CLIP4: variants seen among roughly 807,000 people sequenced by gnomAD.
CLIP4 encodes CAP-Gly domain-containing linker protein 4.
In CLIP4, 47 loss-of-function variants were observed where a neutral mutation model predicts 73.1. That is an observed-to-expected ratio of 0.64 (90% confidence interval 0.51 to 0.82). CLIP4 has a LOEUF of 0.82. Ranked by LOEUF, CLIP4 falls within the 40% of genes least tolerant of loss-of-function variation. The pLI, the probability that CLIP4 is intolerant of heterozygous loss-of-function variation, is 0.00. For missense variants in CLIP4, 874 were observed against 852.9 expected (o/e 1.02, Z -0.31); for synonymous variants, 306 against 295.4 (o/e 1.04, Z -0.37).
At chr2:29,140,414 AT>A (rs922309331) in intron 6 of CLIP4, among the ~76,000 whole-genome samples, 16 of 151,978 alleles carry the variant, frequency 1.1e-4, no homozygotes, top group African/African-American at 3.9e-4. Flanking sequence ...TGAACTCATC[AT>A]TTTTTATGGC....
chr2:29,137,242 C>CA (rs1665432389), intron 6 of CLIP4, among the ~76,000 whole-genome samples: 1 of 152,074 alleles, frequency 6.6e-6, no homozygotes, highest in African/African-American at 2.4e-5. Context: ...TGTGTGTACC[C>CA]AGTGTTCAGC....
At chr2:29,138,781 T>C (rs577991135) in intron 6 of CLIP4, among the ~76,000 whole-genome samples, 2 of 152,246 alleles carry the variant, frequency 1.3e-5, no homozygotes, top group South Asian at 4.1e-4. Context: ...AATTGTGTTC[T>C]TGATTTTGTT....
At chr2:29,132,369 G>A in intron 4 of CLIP4, 124 bp downstream of exon 4, 7 of 761,276 alleles carry the variant, frequency 9.2e-6, no homozygotes, top group South Asian at 8.5e-5. Context: ...ATTGCCTGAA[G>A]AGCTGAGGAT....
chr2:29,108,951 C>T (rs77604815), intron 1 of CLIP4, among the ~76,000 whole-genome samples: 3,554 of 152,292 alleles, frequency 0.023, 115 homozygotes, highest in East Asian at 0.09. Flanking sequence ...TTATGTCTCT[C>T]CTGGTCTATA....
Position 29,132,165 on chromosome 2 carries a change from G to T in CLIP4, c.287G>T (p.Gly96Val), listed in dbSNP as rs912883508. ...DIIGNEILKR[G>V]CNVNDRDGLT... ...TGACTGCTTCAGATTCTTAAGAGAG[G>T]TTGCAATGTGAATGATAGAGATGGA... The change falls in exon 4 of 16, where the codon GGT becomes GTT. Residue 96 changes from glycine to valine, a missense_variant. Physicochemically the swap from Gly to Val is moderately radical, Grantham distance 109. Transcript: ENST00000320081. 2 of 1,613,436 alleles carry T rather than the reference G, an allele frequency of 1.2e-6. No individual in the cohort carries two copies. Among genetic ancestry groups the T allele is most frequent in the Non-Finnish European group, 1.7e-6 (2 of 1,179,518 alleles).
At chr2:29,106,434 G>A (rs915057049) in intron 1 of CLIP4, among the ~76,000 whole-genome samples, 4 of 152,148 alleles carry the variant, frequency 2.6e-5, no homozygotes, top group African/African-American at 4.8e-5. Flanking sequence ...TGGGTGGGTG[G>A]TTTCTGTTCT....
chr2:29,111,744 T>G (rs1668391332), upstream of CLIP4, among the ~76,000 whole-genome samples: 2 of 152,372 alleles, frequency 1.3e-5, no homozygotes, highest in South Asian at 4.1e-4. Context: ...TCTGTTAATT[T>G]TTTCTATGGT....
At chr2:29,129,765 T>C (rs1359817596) in intron 2 of CLIP4, among the ~76,000 whole-genome samples, 1 of 152,142 alleles carries the variant, frequency 6.6e-6, no homozygotes, top group Non-Finnish European at 1.5e-5. Flanking sequence ...TACTCCTCCT[T>C]CAAGGGCACT....
At chr2:29,175,929 T>C (rs1668309889) in intron 15 of CLIP4, among the ~76,000 whole-genome samples, 1 of 151,906 alleles carries the variant, frequency 6.6e-6, no homozygotes, top group African/African-American at 2.4e-5. Flanking sequence ...ACCCGGCTAA[T>C]TTTTTGTATT....
At chr2:29,117,957 C>G (rs1663982156) in intron 1 of CLIP4, among the ~76,000 whole-genome samples, 1 of 152,196 alleles carries the variant, frequency 6.6e-6, no homozygotes, top group Admixed American at 6.5e-5. Flanking sequence ...TTAATTCTCT[C>G]TAAGGCCAAC....
chr2:29,174,621 A>C, intron 15 of CLIP4, 176 bp downstream of exon 15: 1 of 1,348,440 alleles, frequency 7.4e-7, no homozygotes, highest in South Asian at 1.9e-5. Context: ...TTGCAAGCGC[A>C]ATTAAAAATG....
intron 6 of CLIP4, among the ~76,000 whole-genome samples, chr2:29,142,267 G>T (rs1252045956): frequency 6.6e-6 from 1 of 151,718 alleles, no homozygotes; most frequent in African/African-American, 2.4e-5. Flanking sequence ...GTCTTAGGAA[G>T]ATATCGTCAT....
chr2:29,159,912 G>A (rs535360316), intron 11 of CLIP4, among the ~76,000 whole-genome samples: 2 of 152,334 alleles, frequency 1.3e-5, no homozygotes, highest in South Asian at 4.1e-4. Context: ...CTACTTTCAT[G>A]CTGCAACAGC....
intron 1 of CLIP4, among the ~76,000 whole-genome samples, chr2:29,101,295 C>CCCCCA (rs1668040410): frequency 8.3e-6 from 1 of 120,532 alleles, no homozygotes; most frequent in Non-Finnish European, 1.7e-5. Flanking sequence ...TTCCCCCCCC[C>CCCCCA]AAAACAAAAA....
chr2:29,145,446 A>G, intron 8 of CLIP4, 79 bp downstream of exon 8: 2 of 1,214,876 alleles, frequency 1.6e-6, no homozygotes, highest in South Asian at 3.2e-5. Context: ...GTTAAATAAA[A>G]CTTTTCTCCT....
chr2:29,136,792 G>T (rs533596656), intron 6 of CLIP4, among the ~76,000 whole-genome samples: 3 of 152,056 alleles, frequency 2.0e-5, no homozygotes. Flanking sequence ...GAGTGTGAAG[G>T]GGGGAGGCGT....
intron 14 of CLIP4, among the ~76,000 whole-genome samples, chr2:29,172,495 G>C (rs1249299080): frequency 6.6e-6 from 1 of 152,150 alleles, no homozygotes; most frequent in Non-Finnish European, 1.5e-5. Context: ...GACGTCACCT[G>C]TGAGTCTAAC....
chr2:29,131,260 T>A lies in CLIP4; in HGVS notation c.136T>A (p.Phe46Ile). The A allele has an allele frequency of 1.3e-6, 2 of 1,593,200 alleles. No individual in the cohort carries two copies. Among genetic ancestry groups the A allele is most frequent in the South Asian group, 1.2e-5 (1 of 85,738 alleles). The change falls in exon 3 of 16, where the codon TTT (phenylalanine) becomes ATT (isoleucine). Residue 46 changes from phenylalanine to isoleucine, a missense_variant and splice_region_variant. Physicochemically the swap from Phe to Ile is conservative, Grantham distance 21. Transcript: ENST00000320081. ...SAAPMPSDCE[F>I]SFFDPNDASC... ...ATTTGCATCTTTTTTTATTTCAGAA[T>A]TTTCTTTCTTTGATCCTAATGATGC...
At chr2:29,143,157 CTT>C (rs1171846898) in intron 6 of CLIP4, among the ~76,000 whole-genome samples, 4 of 152,224 alleles carry the variant, frequency 2.6e-5, no homozygotes, top group Non-Finnish European at 4.4e-5. Flanking sequence ...AGTCCTGTGA[CTT>C]TTGTTTCCAA....
Sources: gnomAD v4.1 joint callset for allele counts (sites outside exome capture counted in the v4.1 genomes callset) on GRCh38, gnomAD v4.1.1 for gene constraint, MANE v1.5 for transcripts, NCBI Gene and HGNC (gene_info 2026-07-23, HGNC 2026-07-21) for gene names.